Variants in ARID4B observed in about 807,000 individuals in gnomAD.
ARID4B encodes the protein AT-rich interactive domain-containing protein 4B.
In ARID4B, 26 loss-of-function variants were observed where a neutral mutation model predicts 147.5. The ratio of observed to expected loss-of-function variants is 0.18; its 90% CI spans 0.13 to 0.24. The LOEUF (loss-of-function observed/expected upper bound fraction) is 0.24, where lower values mean the gene tolerates loss of function less well. Ranked by LOEUF, ARID4B falls within the 10% of genes least tolerant of loss-of-function variation. The probability of loss-of-function intolerance (pLI) is 1.00; values close to 1 mark genes in which losing one functional copy is unlikely to be tolerated. For synonymous variants in ARID4B, 512 were observed against 507.9 expected (o/e 1.01, Z -0.11); for missense variants, 1,179 against 1,511.5 (o/e 0.78, Z 3.65).
chr1:235,326,630 C>T (rs1470629272), intron 2 of ARID4B, among the ~76,000 whole-genome samples: 1 of 152,114 alleles, frequency 6.6e-6, no homozygotes, highest in Non-Finnish European at 1.5e-5. Context: ...TTTATTTTAC[C>T]TTTTAAAACA....
intron 2 of ARID4B, among the ~76,000 whole-genome samples, chr1:235,321,605 G>C (rs6682991): frequency 6.6e-6 from 1 of 151,178 alleles, no homozygotes; most frequent in Non-Finnish European, 1.5e-5. Flanking sequence ...TCCCAGGTTC[G>C]CACCATTCTC....
At chr1:235,222,299 A>C (rs1667524021) in intron 13 of ARID4B, among the ~76,000 whole-genome samples, 2 of 152,202 alleles carry the variant, frequency 1.3e-5, no homozygotes, top group African/African-American at 4.8e-5. Flanking sequence ...AAATGGAGAC[A>C]AACATTTTTA....
chr1:235,308,821 G>T (rs909053159), intron 2 of ARID4B, among the ~76,000 whole-genome samples: 2 of 152,036 alleles, frequency 1.3e-5, no homozygotes, highest in African/African-American at 4.8e-5. Flanking sequence ...ATCTCGGCTC[G>T]CTACAACCTC....
intron 17 of ARID4B, among the ~76,000 whole-genome samples, chr1:235,202,053 T>A (rs6669653): frequency 0.13 from 19,911 of 150,070 alleles, 1,543 homozygotes; most frequent in African/African-American, 0.2. Context: ...ATATATACAA[T>A]CCAGGATAGT....
chr1:235,194,048 G>A lies in ARID4B; in HGVS notation c.2090C>T (p.Ser697Phe), dbSNP rs755476087. Residue 697 changes from serine (S) to phenylalanine (F), a missense_variant, in exon 19 of 24, where the codon TCC becomes TTC. Physicochemically the swap from Ser to Phe is radical, Grantham distance 155 (BLOSUM62 -2). This residue lies in a region of ARID4B where 321 missense variants were observed against 342.4 expected (regional missense o/e 0.94). Transcript: ENST00000264183. ...ATTAAGGATCGAAGTAATTTCTATG[G>A]ACTTAATATGAGCAGTATCAGAGTT... ...AKNSDTAHIKSIEITSILNGL... is the reference protein window; with the variant it reads ...AKNSDTAHIKFIEITSILNGL... 4 of 1,611,460 alleles carry A rather than the reference G, an allele frequency of 2.5e-6. No homozygotes were observed. Among genetic ancestry groups the A allele is most frequent in the Non-Finnish European group, 3.4e-6 (4 of 1,177,754 alleles).
Position 235,218,864 on chromosome 1 carries a change from AT to A in ARID4B, c.1583+928del, listed in dbSNP as rs67129831. Among the ~76,000 whole-genome samples the A allele has an allele frequency of 7.3e-3, 942 of 128,674 alleles. 20 individuals are homozygous for A. In the East Asian group the frequency reaches 0.11, roughly 15 times the overall value. 84.4% of individuals were successfully genotyped at this position (128,674 alleles called of 152,430 possible). On this transcript the variant is annotated intron_variant, in intron 16 of 23. Transcript: ENST00000264183. ...TGGCCAAATGTCAGTACGCTAAATG[AT>A]TTTTTTTTTTTTTTTTTTGAGACAG...
chr1:235,206,110 G>C lies in ARID4B; in HGVS notation c.1841+7659C>G, dbSNP rs1477954925. 3.3e-5 allele frequency among the ~76,000 whole-genome samples: 5 copies of C among 152,266 alleles called. No individual in the cohort carries two copies. In the East Asian group the frequency reaches 9.6e-4, roughly 29 times the overall value. ...TTACCTTCTGCTCTACTTCCATTTT[G>C]TTGTCAGGAGGTCCAATTTAGTTCA... On this transcript the variant is annotated intron_variant, in intron 17 of 23. Coordinates refer to ENST00000264183, the MANE Select transcript of ARID4B (RefSeq NM_016374.6).
chr1:235,249,287 C>T (rs181121551), intron 6 of ARID4B, among the ~76,000 whole-genome samples: 2 of 152,092 alleles, frequency 1.3e-5, no homozygotes, highest in Non-Finnish European at 2.9e-5. Flanking sequence ...AAGCCAAGAT[C>T]ATGCCGCTGT....
chr1:235,237,677 C>A (rs745590361), intron 8 of ARID4B, among the ~76,000 whole-genome samples: 2 of 152,056 alleles, frequency 1.3e-5, no homozygotes, highest in Non-Finnish European at 2.9e-5. Flanking sequence ...ACAAAAACCA[C>A]AAATATACAA....
chr1:235,317,573 T>G (rs1674527632), intron 2 of ARID4B, among the ~76,000 whole-genome samples: 1 of 152,244 alleles, frequency 6.6e-6, no homozygotes, highest in Non-Finnish European at 1.5e-5. Flanking sequence ...TTAGTAGACC[T>G]GCTTTTTATT....
chr1:235,266,306 G>A (rs780179312), intron 2 of ARID4B, among the ~76,000 whole-genome samples: 11 of 152,056 alleles, frequency 7.2e-5, no homozygotes, highest in Non-Finnish European at 1.3e-4. Flanking sequence ...AAATATGCAT[G>A]TCTATCTATA....
At chr1:235,171,061 T>C (rs1013594620) in intron 23 of ARID4B, among the ~76,000 whole-genome samples, 7 of 152,182 alleles carry the variant, frequency 4.6e-5, no homozygotes, top group African/African-American at 1.7e-4. Flanking sequence ...TATTCTACTA[T>C]ATTACAACTC....
At chr1:235,179,547 A>C (rs1376179798) in intron 20 of ARID4B, among the ~76,000 whole-genome samples, 2 of 149,870 alleles carry the variant, frequency 1.3e-5, no homozygotes, top group African/African-American at 4.9e-5. Context: ...AAAAAAAAAA[A>C]AAAAAACCCA....
At chr1:235,314,276 C>T (rs1234289598) in intron 2 of ARID4B, among the ~76,000 whole-genome samples, 1 of 152,118 alleles carries the variant, frequency 6.6e-6, no homozygotes, top group Non-Finnish European at 1.5e-5. Flanking sequence ...TCTAATAATA[C>T]AACTGCCACG....
intron 4 of ARID4B, among the ~76,000 whole-genome samples, chr1:235,256,261 T>C (rs1291882948): frequency 6.7e-6 from 1 of 149,334 alleles, no homozygotes; most frequent in East Asian, 1.9e-4. Flanking sequence ...AAAAGGCAAA[T>C]AATACCTAAG....
intron 2 of ARID4B, among the ~76,000 whole-genome samples, chr1:235,308,556 G>C (rs1248164083): frequency 6.7e-6 from 1 of 150,090 alleles, no homozygotes; most frequent in Non-Finnish European, 1.5e-5. Flanking sequence ...TGCCATCTCA[G>C]CTCACTGCAA....
intron 2 of ARID4B, among the ~76,000 whole-genome samples, chr1:235,261,158 G>A (rs1670271620): frequency 6.6e-6 from 1 of 152,094 alleles, no homozygotes; most frequent in South Asian, 2.1e-4. Context: ...TAATATTTAG[G>A]CTGTATCTTG....
At chr1:235,273,575 T>C (rs928496978) in intron 2 of ARID4B, among the ~76,000 whole-genome samples, 29 of 152,214 alleles carry the variant, frequency 1.9e-4, no homozygotes, top group African/African-American at 6.8e-4. Context: ...GATGTTAAAA[T>C]GTAGAAAATG....
chr1:235,173,810 A>ATATG (rs1297563510), intron 22 of ARID4B, among the ~76,000 whole-genome samples: 6 of 74,718 alleles, frequency 8.0e-5, no homozygotes, highest in Non-Finnish European at 1.3e-4. Context: ...ATATATATAT[A>ATATG]TATGTATACC....
Sources: gnomAD v4.1 joint callset for allele counts (sites outside exome capture counted in the v4.1 genomes callset) on GRCh38, gnomAD v4.1.1 for gene constraint, gnomAD v4.1.1 regional missense constraint, MANE v1.5 for transcripts, NCBI Gene and HGNC (gene_info 2026-07-23, HGNC 2026-07-21) for gene names.